PDSS2: variants seen among roughly 807,000 people sequenced by gnomAD.
PDSS2 encodes all trans-polyprenyl-diphosphate synthase PDSS2.
A neutral mutation model predicts 44.5 loss-of-function variants in PDSS2; 31 were observed. The ratio of observed to expected loss-of-function variants is 0.70; its 90% confidence interval spans 0.52 to 0.94. PDSS2 has a LOEUF of 0.94. PDSS2 is among the 40% of genes least tolerant of loss of function. The pLI is 0.00. For missense variants in PDSS2, 452 were observed against 482.2 expected, an observed-to-expected ratio of 0.94 and a Z score of 0.59; for synonymous variants, 157 against 180.3, an observed-to-expected ratio of 0.87 and a Z score of 1.03.
intron 2 of PDSS2, among the ~76,000 whole-genome samples, chr6:107,303,876 G>A (rs975011430): frequency 1.3e-5 from 2 of 152,156 alleles, no homozygotes; most frequent in African/African-American, 4.8e-5. Context: ...TTAAAACTGT[G>A]TTAGATAACT....
At chr6:107,449,611 G>A (rs936323354) in intron 1 of PDSS2, among the ~76,000 whole-genome samples, 1 of 152,150 alleles carries the variant, frequency 6.6e-6, no homozygotes, top group South Asian at 2.1e-4. Context: ...TCAGCATAAT[G>A]TCCTCCAGGT....
chr6:107,226,482 A>G (rs916829360), intron 4 of PDSS2, among the ~76,000 whole-genome samples: 2 of 152,054 alleles, frequency 1.3e-5, no homozygotes, highest in African/African-American at 4.8e-5. Flanking sequence ...AGGGGTAAAG[A>G]GTGAAGGAGA....
chr6:107,269,989 A>C (rs1775543883), intron 3 of PDSS2, among the ~76,000 whole-genome samples: 1 of 152,096 alleles, frequency 6.6e-6, no homozygotes, highest in Non-Finnish European at 1.5e-5. Context: ...TTGATGACCC[A>C]TTTAGAATAA....
At chr6:107,402,827 G>A (rs1780190939) in intron 1 of PDSS2, among the ~76,000 whole-genome samples, 1 of 151,998 alleles carries the variant, frequency 6.6e-6, no homozygotes. Context: ...CTGTCCCCAT[G>A]ATTCAATTAT....
intron 1 of PDSS2, among the ~76,000 whole-genome samples, chr6:107,443,866 G>A (rs566349016): frequency 2.6e-5 from 4 of 152,050 alleles, no homozygotes; most frequent in African/African-American, 4.8e-5. Flanking sequence ...TGTTCACTAC[G>A]GCATTTATCT....
intron 4 of PDSS2, among the ~76,000 whole-genome samples, chr6:107,234,785 T>C (rs759106085): frequency 1.1e-4 from 16 of 152,156 alleles, no homozygotes; most frequent in African/African-American, 1.7e-4. Context: ...ATGTACCCAA[T>C]AGACACACTA....
chr6:107,229,218 C>G (rs772390849), intron 4 of PDSS2, among the ~76,000 whole-genome samples: 1 of 152,086 alleles, frequency 6.6e-6, no homozygotes, highest in Non-Finnish European at 1.5e-5. Flanking sequence ...ACGTTGTCTT[C>G]CTCTGTCGCC....
chr6:107,358,951 T>C (rs184839346), intron 1 of PDSS2, among the ~76,000 whole-genome samples: 1 of 151,468 alleles, frequency 6.6e-6, no homozygotes, highest in Admixed American at 6.6e-5. Flanking sequence ...CAAACTGTGA[T>C]ACATGCTTAA....
intron 1 of PDSS2, among the ~76,000 whole-genome samples, chr6:107,387,255 C>A (rs1044377971): frequency 1.3e-5 from 2 of 152,174 alleles, no homozygotes; most frequent in African/African-American, 2.4e-5. Flanking sequence ...AGATGACAGG[C>A]CTGCAGGTGC....
intron 7 of PDSS2, among the ~76,000 whole-genome samples, chr6:107,189,325 C>A (rs908533576): frequency 8.6e-5 from 13 of 151,844 alleles, no homozygotes; most frequent in African/African-American, 3.1e-4. Flanking sequence ...CCACTATACC[C>A]AGACATATAT....
chr6:107,175,565 GA>G (rs1291055715), intron 7 of PDSS2, among the ~76,000 whole-genome samples: 1 of 151,566 alleles, frequency 6.6e-6, no homozygotes, highest in Non-Finnish European at 1.5e-5. Context: ...TCACAGATTA[GA>G]AAAAAAATAC....
chr6:107,215,742 T>C (rs60506103), intron 4 of PDSS2, among the ~76,000 whole-genome samples: 2,864 of 152,286 alleles, frequency 0.019, 83 homozygotes, highest in African/African-American at 0.066. Flanking sequence ...ATTAACATAA[T>C]AAATTGTATT....
intron 1 of PDSS2, among the ~76,000 whole-genome samples, chr6:107,353,919 T>G (rs1451067186): frequency 1.3e-5 from 2 of 152,202 alleles, no homozygotes; most frequent in African/African-American, 4.8e-5. Context: ...GTTTTGGAAA[T>G]GTAGTTTCCA....
At chr6:107,372,601 G>A (rs1048532823) in intron 1 of PDSS2, among the ~76,000 whole-genome samples, 2 of 151,996 alleles carry the variant, frequency 1.3e-5, no homozygotes, top group Admixed American at 1.3e-4. Flanking sequence ...ACAGGCGCCC[G>A]CCACCACGCT....
chr6:107,311,913 T>C (rs1455107484), intron 2 of PDSS2, among the ~76,000 whole-genome samples: 1 of 152,216 alleles, frequency 6.6e-6, no homozygotes, highest in Non-Finnish European at 1.5e-5. Context: ...ACAGTAATTA[T>C]TACTACTATC....
chr6:107,455,754 CAAAAAAAAAAAAAAAAA>C (rs60783838), intron 1 of PDSS2, among the ~76,000 whole-genome samples: 10 of 55,682 alleles, frequency 1.8e-4, no homozygotes, highest in Non-Finnish European at 2.9e-4. Context: ...GACTCTGTCT[CAAAAAAAAAAAAAAAAA>C]AAAAAAAAAA....
At chr6:107,214,974 G>A (rs1773363322) in intron 4 of PDSS2, among the ~76,000 whole-genome samples, 1 of 152,060 alleles carries the variant, frequency 6.6e-6, no homozygotes, top group African/African-American at 2.4e-5. Flanking sequence ...TATGGCAATG[G>A]TTGCAAATAT....
chr6:107,209,360 C>T (rs1049944117), intron 6 of PDSS2, among the ~76,000 whole-genome samples: 4 of 152,060 alleles, frequency 2.6e-5, no homozygotes, highest in Non-Finnish European at 5.9e-5. Context: ...CAGGGATATG[C>T]CATGTTTACT....
chr6:107,398,513 G>C (rs1245669671), intron 1 of PDSS2, among the ~76,000 whole-genome samples: 1 of 152,032 alleles, frequency 6.6e-6, no homozygotes, highest in Admixed American at 6.6e-5. Flanking sequence ...TATCCTTGGG[G>C]GTCTTCAACT....
Sources: allele counts gnomAD v4.1 joint callset (sites outside exome capture counted in the v4.1 genomes callset), GRCh38; gene constraint gnomAD v4.1.1; transcripts MANE v1.5; gene names NCBI Gene and HGNC (gene_info 2026-07-23, HGNC 2026-07-21).